SLC25A26: variants seen among roughly 807,000 people sequenced by gnomAD.
SLC25A26 encodes solute carrier family 25 member 26.
A neutral mutation model predicts 37.8 loss-of-function variants in SLC25A26; 36 were observed. The observed-to-expected ratio is 0.95, with a 90% CI of 0.73 to 1.26. SLC25A26 has a LOEUF of 1.26. Ranked by LOEUF, SLC25A26 falls within the 50% of genes most tolerant of loss-of-function variation. The pLI is 0.00. For missense variants in SLC25A26, 390 were observed against 331.1 expected, an observed-to-expected ratio of 1.18 and a Z score of -1.38; for synonymous variants, 129 against 122.5, an observed-to-expected ratio of 1.05 and a Z score of -0.35.
intron 1 of SLC25A26, among the ~76,000 whole-genome samples, chr3:66,204,317 T>A (rs2071146389): frequency 6.8e-6 from 1 of 147,252 alleles, no homozygotes; most frequent in South Asian, 2.2e-4. Flanking sequence ...TCCCAGCTAC[T>A]CGGGAGGCTG....
chr3:66,328,895 T>C (rs2075903195), intron 5 of SLC25A26, among the ~76,000 whole-genome samples: 1 of 152,134 alleles, frequency 6.6e-6, no homozygotes, highest in African/African-American at 2.4e-5. Flanking sequence ...AATTACCCTC[T>C]TAGCAGGTGA....
rs1216271472 is a variant in SLC25A26, at chr3:66,170,332, A to G, written c.-354+36348A>G. ...AATTTGCTTCTAATGTCAATCCTGT[A>G]GATGCCTAAGATTTCAGAGTATGGA... On this transcript the variant is annotated intron_variant, in intron 1 of 10. Transcript: ENST00000676754. 3.9e-5 allele frequency among the ~76,000 whole-genome samples: 6 copies of G among 152,322 alleles called. No homozygotes were observed. In the South Asian group the frequency reaches 1.2e-3, roughly 32 times the overall value.
At chr3:66,323,471 A>G (rs1243550551) in intron 5 of SLC25A26, among the ~76,000 whole-genome samples, 1 of 152,194 alleles carries the variant, frequency 6.6e-6, no homozygotes, top group Non-Finnish European at 1.5e-5. Context: ...GAGCTGGGTA[A>G]ATGGGAGACT....
chr3:66,236,763 TG>T, intron 2 of SLC25A26, 63 bp downstream of exon 2: 1 of 1,306,756 alleles, frequency 7.7e-7, no homozygotes, highest in South Asian at 1.6e-5. Flanking sequence ...GAATGGTGTG[TG>T]GTCTTACCCC....
At chr3:66,354,850 C>A (rs2076538871) in intron 6 of SLC25A26, among the ~76,000 whole-genome samples, 1 of 152,198 alleles carries the variant, frequency 6.6e-6, no homozygotes, top group Non-Finnish European at 1.5e-5. Context: ...TGCACAAGGT[C>A]TCTCTCTGCC....
At chr3:66,244,411 A>G (rs1469723365) in intron 3 of SLC25A26, among the ~76,000 whole-genome samples, 3 of 152,380 alleles carry the variant, frequency 2.0e-5, no homozygotes, top group African/African-American at 7.2e-5. Context: ...CTCTCGAAGT[A>G]GGCATAAACT....
At chr3:66,254,158 A>T (rs1174486451) in intron 3 of SLC25A26, among the ~76,000 whole-genome samples, 5 of 152,160 alleles carry the variant, frequency 3.3e-5, no homozygotes, top group Non-Finnish European at 5.9e-5. Flanking sequence ...AAATCTAAGG[A>T]GTGTAAGTTA....
intron 5 of SLC25A26, among the ~76,000 whole-genome samples, chr3:66,301,110 G>C (rs556507919): frequency 6.6e-6 from 1 of 152,238 alleles, no homozygotes; most frequent in South Asian, 2.1e-4. Flanking sequence ...ATGGAAGATA[G>C]GGTTCATGAA....
At chr3:66,270,025 C>G (rs2073902811) in intron 5 of SLC25A26, among the ~76,000 whole-genome samples, 1 of 152,036 alleles carries the variant, frequency 6.6e-6, no homozygotes, top group African/African-American at 2.4e-5. Flanking sequence ...TATTTTTGTT[C>G]AGATGCTGCC....
At chr3:66,287,951 AATAAT>A (rs1321020811) in intron 5 of SLC25A26, among the ~76,000 whole-genome samples, 1 of 152,222 alleles carries the variant, frequency 6.6e-6, no homozygotes, top group Non-Finnish European at 1.5e-5. Context: ...TAGTTTTGAG[AATAAT>A]ATTGTTACTG....
chr3:66,157,187 TG>T lies in SLC25A26; in HGVS notation c.-354+23205del, dbSNP rs1202190275. ...AGGTCGAGGCTTCAGTGAGCCATGA[TG>T]GCCCCACTGCACTCCATTTTAGGTG... is the stretch of plus-strand genomic sequence containing the variant. On this transcript the variant is annotated intron_variant, in intron 1 of 10. Transcript: ENST00000676754. Among the ~76,000 whole-genome samples the T allele has an allele frequency of 4.6e-5, 7 of 152,272 alleles. No individual in the cohort carries two copies. The South Asian group carries it at 8.3e-4, about 18-fold the overall frequency.
chr3:66,239,125 T>A (rs1397351632), intron 2 of SLC25A26, among the ~76,000 whole-genome samples: 1 of 152,226 alleles, frequency 6.6e-6, no homozygotes, highest in South Asian at 2.1e-4. Flanking sequence ...CATTCCTTCT[T>A]CTACATCTTC....
At chr3:66,172,939 C>T (rs2070522305) in intron 1 of SLC25A26, among the ~76,000 whole-genome samples, 1 of 152,122 alleles carries the variant, frequency 6.6e-6, no homozygotes, top group South Asian at 2.1e-4. Context: ...AACCGATTTC[C>T]AAATAAGGTC....
chr3:66,257,647 G>T (rs1174549171), intron 3 of SLC25A26, among the ~76,000 whole-genome samples: 3 of 152,190 alleles, frequency 2.0e-5, no homozygotes, highest in Non-Finnish European at 4.4e-5. Flanking sequence ...TTCTTTGCTA[G>T]ATTATCAGCC....
chr3:66,272,847 G>A (rs560565991), intron 5 of SLC25A26, among the ~76,000 whole-genome samples: 1 of 152,168 alleles, frequency 6.6e-6, no homozygotes, highest in East Asian at 1.9e-4. Context: ...GGAGTGGTGA[G>A]AGAGGGCATC....
chr3:66,378,018 TC>T lies in SLC25A26; in HGVS notation c.*212del. On this transcript the variant is annotated 3_prime_UTR_variant, in exon 10 of 10. Transcript: ENST00000354883. ...AGAGAGCTAAGAGAAGAAAACGGGG[TC>T]TGTGGCGGTACTCTGAACAATTTCC... The T allele has an allele frequency of 2.0e-6, 1 of 502,720 alleles. No individual in the cohort carries two copies. The allele number at this position is 502,720 out of a possible 1,614,324, so 31.1% of individuals were successfully genotyped here. A position where few individuals can be genotyped will look rare whatever the true frequency, so the allele number is the denominator to read the frequency against.
At chr3:66,196,468 T>C (rs896536225) in intron 1 of SLC25A26, among the ~76,000 whole-genome samples, 1 of 152,200 alleles carries the variant, frequency 6.6e-6, no homozygotes, top group Non-Finnish European at 1.5e-5. Flanking sequence ...GTACCTGTTA[T>C]AGAATGTAAT....
intron 5 of SLC25A26, among the ~76,000 whole-genome samples, chr3:66,294,473 A>C (rs1417286938): frequency 6.6e-6 from 1 of 152,192 alleles, no homozygotes; most frequent in Non-Finnish European, 1.5e-5. Flanking sequence ...AGTTTTTAAC[A>C]TGAAGTGGTG....
intron 1 of SLC25A26, among the ~76,000 whole-genome samples, chr3:66,182,719 G>A (rs907277639): frequency 1.1e-4 from 4 of 36,004 alleles, no homozygotes; most frequent in South Asian, 1.3e-3. Context: ...TGGGCGGCGG[G>A]GGGGGGGGGT....
Sources: allele counts gnomAD v4.1 joint callset (sites outside exome capture counted in the v4.1 genomes callset), GRCh38; gene constraint gnomAD v4.1.1; transcripts MANE v1.5; gene names NCBI Gene and HGNC (gene_info 2026-07-23, HGNC 2026-07-21).